The following ANKH variants were observed in gnomAD, a reference collection of about 807,000 sequenced individuals.
ANKH encodes ANKH inorganic pyrophosphate transport regulator, also known as mineralization regulator ANKH.
Under a neutral mutation model 49.0 loss-of-function variants are expected in ANKH, and 15 were observed. That is an observed-to-expected ratio of 0.31 (90% CI 0.20 to 0.47). The LOEUF (loss-of-function observed/expected upper bound fraction) is 0.47, where lower values mean the gene tolerates loss of function less well. ANKH is among the 20% of genes least tolerant of loss of function. The pLI, the probability that ANKH is intolerant of heterozygous loss-of-function variation, is 1.00. For synonymous variants in ANKH, 273 were observed against 260.0 expected, an observed-to-expected ratio of 1.05 and a Z score of -0.48; for missense variants, 429 against 652.0, an observed-to-expected ratio of 0.66 and a Z score of 3.72.
chr5:14,812,679 T>G (rs1740920481), intron 1 of ANKH, among the ~76,000 whole-genome samples: 1 of 152,210 alleles, frequency 6.6e-6, no homozygotes, highest in African/African-American at 2.4e-5. Flanking sequence ...CCTTGATAAC[T>G]GATCAAGTTC....
rs2126375358 is a variant in ANKH, at chr5:14,706,595, T to G, written c.*4602A>C. On this transcript the variant is annotated 3_prime_UTR_variant, in exon 12 of 12. Coordinates refer to ENST00000284268, the MANE Select transcript of ANKH (RefSeq NM_054027.6). ...TTTTCTGAGTGGAGTTTGGGTTATTTTGATTCCACAATGCAATTTCTCTCA... is the reference window on the plus strand; with the variant it reads ...TTTTCTGAGTGGAGTTTGGGTTATTGTGATTCCACAATGCAATTTCTCTCA... 1 of 152,360 alleles carries G rather than the reference T, an allele frequency of 6.6e-6. No individual in the cohort carries two copies. Among genetic ancestry groups the G allele is most frequent in the South Asian group, 2.1e-4 (1 of 4,830 alleles). The allele number at this position is 152,360 out of a possible 1,614,324, so 9.4% of individuals were successfully genotyped here. A position where few individuals can be genotyped will look rare whatever the true frequency, so the allele number is the denominator to read the frequency against.
chr5:14,752,835 G>A (rs569372085), intron 4 of ANKH, among the ~76,000 whole-genome samples: 29 of 152,274 alleles, frequency 1.9e-4, no homozygotes, highest in African/African-American at 7.0e-4. Context: ...GGGGGTGGAA[G>A]TCAGCCTCAA....
chr5:14,778,290 C>G (rs914543182), intron 1 of ANKH, among the ~76,000 whole-genome samples: 2 of 152,184 alleles, frequency 1.3e-5, no homozygotes, highest in African/African-American at 2.4e-5. Flanking sequence ...CCATATTGCT[C>G]TCTCATCTTA....
chr5:14,793,272 G>C (rs926473960), intron 1 of ANKH, among the ~76,000 whole-genome samples: 1 of 151,346 alleles, frequency 6.6e-6, no homozygotes, highest in African/African-American at 2.4e-5. Flanking sequence ...TTCTGGGGCT[G>C]GAAAGAGGCC....
intron 1 of ANKH, among the ~76,000 whole-genome samples, chr5:14,851,572 G>A (rs75782437): frequency 0.012 from 1,832 of 152,292 alleles, 41 homozygotes; most frequent in African/African-American, 0.042. Flanking sequence ...TGTTCATTTT[G>A]TTGCATCCTG....
At chr5:14,752,816 T>C (rs1320715374) in intron 4 of ANKH, among the ~76,000 whole-genome samples, 1 of 151,998 alleles carries the variant, frequency 6.6e-6, no homozygotes, top group African/African-American at 2.4e-5. Flanking sequence ...ATCATCTGGG[T>C]GGACTGATGG....
intron 1 of ANKH, among the ~76,000 whole-genome samples, chr5:14,806,719 T>G (rs1740719860): frequency 6.6e-6 from 1 of 152,210 alleles, no homozygotes; most frequent in South Asian, 2.1e-4. Flanking sequence ...GATCTGTCCT[T>G]AGGCGTCATC....
intron 6 of ANKH, among the ~76,000 whole-genome samples, chr5:14,748,091 CT>C (rs199856109): frequency 6.6e-6 from 1 of 151,254 alleles, no homozygotes; most frequent in Non-Finnish European, 1.5e-5. Context: ...TGTCCTTTTT[CT>C]TTTTTTTTAA....
rs1737179283 is a variant in ANKH at position 14,711,229 on chromosome 5, CTG to C, written c.1445_1446del (p.Thr482ArgfsTer10). The C allele has an allele frequency of 6.2e-7, 1 of 1,614,046 alleles. No homozygotes were observed. ...MTDMPPTEEVTDIVEMREENE is the reference protein window; with the variant it reads ...MTDMPPTEEVXDIVEMREENE Reference sequence around the variant, plus strand: ...TTCTCCTCTCTCATTTCCACGATGTCTGTCACCTCCTCTGTCGGAGGCATGTC... The same window carrying C: ...TTCTCCTCTCTCATTTCCACGATGTCTCACCTCCTCTGTCGGAGGCATGTC... On this transcript the variant is annotated frameshift_variant, in exon 12 of 12. Coordinates refer to ENST00000284268, the MANE Select transcript of ANKH (RefSeq NM_054027.6). LOFTEE classifies it high-confidence loss of function.
rs1482953396 is a variant in ANKH at position 14,751,054 on chromosome 5, G to A, written c.687+15C>T. ...CTGAGTCTCAGACAGACTGCTGTTG[G>A]GTTGGTAGACGTACCCCCAGCTCCG... On this transcript the variant is annotated intron_variant, in intron 5 of 11. Coordinates refer to ENST00000284268, the MANE Select transcript of ANKH (RefSeq NM_054027.6). The A allele has an allele frequency of 2.5e-6, 4 of 1,613,954 alleles. No homozygotes were observed. In the East Asian group the frequency reaches 8.9e-5, roughly 36 times the overall value.
At chr5:14,835,357 T>G (rs1036915251) in intron 1 of ANKH, among the ~76,000 whole-genome samples, 8 of 152,186 alleles carry the variant, frequency 5.3e-5, no homozygotes, top group Non-Finnish European at 2.9e-5. Context: ...AGGAGCCCTT[T>G]GAAAAACCCG....
chr5:14,855,960 G>A (rs1735229799), intron 1 of ANKH, among the ~76,000 whole-genome samples: 1 of 151,306 alleles, frequency 6.6e-6, no homozygotes, highest in East Asian at 2.0e-4. Context: ...CTGGCTTAAA[G>A]ATATCCCCTT....
At position 14,829,712 on chromosome 5, in the gene ANKH, A is replaced by G. The variant is rs538527449; in HGVS notation, c.96+41640T>C. ...AACCTCCTCACAAAATCATTACATA[A>G]AAAGATTTGTTGCACATTTCCTGCG... On this transcript the variant is annotated intron_variant, in intron 1 of 11. Transcript: ENST00000284268. Among the ~76,000 whole-genome samples, 280 of 152,308 alleles carry G rather than the reference A, an allele frequency of 1.8e-3. 1 individual carries two copies. Among genetic ancestry groups the G allele is most frequent in the African/African-American group, 6.4e-3 (265 of 41,572 alleles).
intron 9 of ANKH, among the ~76,000 whole-genome samples, chr5:14,714,302 C>T (rs1737360148): frequency 6.6e-6 from 1 of 152,258 alleles, no homozygotes; most frequent in South Asian, 2.1e-4. Flanking sequence ...TTCACTGGAT[C>T]TCTGAGCTGC....
At chr5:14,813,389 A>C (rs551154098) in intron 1 of ANKH, among the ~76,000 whole-genome samples, 1 of 152,328 alleles carries the variant, frequency 6.6e-6, no homozygotes, top group Admixed American at 6.5e-5. Context: ...GCAGATTATT[A>C]ATGTGAATTG....
rs754115364 is a variant in ANKH at position 14,712,962 on chromosome 5, G to A, written c.1277C>T (p.Ala426Val). Reference sequence around the variant, plus strand: ...CAGGAGGGAGCCCACGCCCAGGGTCGCACCGTGCACCCTGCAGATGAGAAC... The same window carrying A: ...CAGGAGGGAGCCCACGCCCAGGGTCACACCGTGCACCCTGCAGATGAGAAC... ...VVLPYLGVHG[A>V]TLGVGSLLAG... The change falls in exon 11 of 12, where the codon GCG becomes GTG. Residue 426 changes from alanine (A) to valine (V), a missense_variant. This residue lies in a region of ANKH where 378 missense variants were observed against 615.3 expected (regional missense o/e 0.61). Transcript: ENST00000284268. 3.1e-6 allele frequency: 5 copies of A among 1,612,848 alleles called. No individual in the cohort carries two copies. Among genetic ancestry groups the A allele is most frequent in the East Asian group, 2.2e-5 (1 of 44,854 alleles).
At chr5:14,715,637 T>G (rs551014134) in intron 9 of ANKH, among the ~76,000 whole-genome samples, 136 of 152,348 alleles carry the variant, frequency 8.9e-4, no homozygotes, top group Admixed American at 1.6e-3. Context: ...GCAACCACTG[T>G]TAGCAGCTTG....
rs1739402452 is a variant in ANKH at position 14,770,619 on chromosome 5, T to C, written c.97-1428A>G. On this transcript the variant is annotated intron_variant, in intron 1 of 11. Transcript: ENST00000284268. The surrounding 1 kb of genome is among the most constrained non-coding windows in gnomAD (Gnocchi z 4.1). ...GTGATGAGGAAGAGATGAAGCAAGA[T>C]GGTGAGAGATTTCATTACACTACTC... Among the ~76,000 whole-genome samples the C allele has an allele frequency of 6.6e-6, 1 of 152,214 alleles. No homozygotes were observed. Among genetic ancestry groups the C allele is most frequent in the Non-Finnish European group, 1.5e-5 (1 of 68,032 alleles).
chr5:14,866,551 T>C (rs112717497), intron 1 of ANKH, among the ~76,000 whole-genome samples: 1 of 152,218 alleles, frequency 6.6e-6, no homozygotes, highest in East Asian at 1.9e-4. Flanking sequence ...AACAATTCTT[T>C]GGACATGGTG....
Sources: gnomAD v4.1 joint callset for allele counts (sites outside exome capture counted in the v4.1 genomes callset) on GRCh38, gnomAD v4.1.1 for gene constraint, gnomAD v4.1.1 regional missense constraint, Gnocchi (gnomAD v3.1) non-coding constraint, MANE v1.5 for transcripts, NCBI Gene and HGNC (gene_info 2026-07-23, HGNC 2026-07-21) for gene names.